The following GNL3L variants were observed in gnomAD, a reference collection of about 807,000 sequenced individuals.
The protein encoded by GNL3L is G protein nucleolar 3 like.
In GNL3L, 4 loss-of-function variants were observed where a neutral mutation model predicts 42.9. That is an observed-to-expected ratio of 0.09 (90% CI 0.05 to 0.21). GNL3L has a LOEUF of 0.21. Ranked by LOEUF, GNL3L falls within the 10% of genes least tolerant of loss-of-function variation. The probability of loss-of-function intolerance (pLI) is 1.00; values close to 1 mark genes in which losing one functional copy is unlikely to be tolerated. For missense variants in GNL3L, 412 were observed against 481.7 expected, an observed-to-expected ratio of 0.86 and a Z score of 1.36; for synonymous variants, 159 against 176.3, an observed-to-expected ratio of 0.90 and a Z score of 0.78.
intron 13 of GNL3L, 142 bp downstream of exon 13, chrX:54,552,570 T>C (rs1031044677): frequency 2.0e-6 from 1 of 510,782 alleles, no homozygotes; most frequent in Non-Finnish European, 3.2e-6. Flanking sequence ...CAGGCCTAAT[T>C]TCTTTTCTTG....
chrX:54,537,026 CTTTTTTTT>C (rs747450203), intron 2 of GNL3L, among the ~76,000 whole-genome samples: 2 of 85,899 alleles, frequency 2.3e-5, no homozygotes, highest in African/African-American at 4.5e-5. Flanking sequence ...GGTTGTTAAT[CTTTTTTTT>C]TTTTTTTTTT....
chrX:54,546,985 CTTTCTTTTTTT>C (rs939020295), intron 8 of GNL3L, among the ~76,000 whole-genome samples: 4 of 105,724 alleles, frequency 3.8e-5, no homozygotes, highest in Admixed American at 1.0e-4. Flanking sequence ...GCCGCCTTTT[CTTTCTTTTTTT>C]TTTCTTTTTT....
chrX:54,616,492 G>C (rs1344407463), intron 16 of GNL3L, among the ~76,000 whole-genome samples: 2 of 112,264 alleles, frequency 1.8e-5, no homozygotes, highest in Admixed American at 1.9e-4. Flanking sequence ...CCCATGGATA[G>C]AGACAGGAAG....
chrX:54,590,464 C>T (rs1402472601), intron 16 of GNL3L, among the ~76,000 whole-genome samples: 5 of 111,464 alleles, frequency 4.5e-5, no homozygotes, highest in South Asian at 3.7e-4. Context: ...AGTCTGTTGA[C>T]GTGGTGGGTT....
intron 13 of GNL3L, among the ~76,000 whole-genome samples, chrX:54,553,310 AG>A (rs760339452): frequency 9.8e-5 from 11 of 111,709 alleles, no homozygotes; most frequent in Non-Finnish European, 2.1e-4. Flanking sequence ...TGCCTAAGGA[AG>A]GTATCCAGTG....
intron 15 of GNL3L, 112 bp downstream of exon 15, chrX:54,558,767 C>T: frequency 2.0e-6 from 1 of 512,664 alleles, no homozygotes; most frequent in Non-Finnish European, 3.3e-6. Flanking sequence ...AGCGATTCTC[C>T]TGCCTCAGCT....
At position 54,539,115 on chromosome X, in the gene GNL3L, G is replaced by A. The variant is rs766901512; in HGVS notation, c.81+14G>A. On this transcript the variant is annotated intron_variant, in intron 3 of 15. Coordinates refer to ENST00000360845, the MANE Select transcript of GNL3L (RefSeq NM_001184819.2). ...CCCTACCCTCAGGTAAGGTATGCCT[G>A]TTGTTGAGGGTAAGGTCAAGAACAG... 4.0e-6 allele frequency: 4 copies of A among 999,583 alleles called. No individual in the cohort carries two copies. Among genetic ancestry groups the A allele is most frequent in the East Asian group, 6.1e-5 (2 of 32,685 alleles). 82.4% of individuals were successfully genotyped at this position (999,583 alleles called of 1,213,427 possible). A position where few individuals can be genotyped will look rare whatever the true frequency, so the allele number is the denominator to read the frequency against.
At chrX:54,573,158 G>A (rs1369454983) in intron 16 of GNL3L, among the ~76,000 whole-genome samples, 1 of 112,400 alleles carries the variant, frequency 8.9e-6, no homozygotes, top group African/African-American at 3.2e-5. Flanking sequence ...GCCGGGCAGA[G>A]GCTGCAATCT....
chrX:54,618,899 A>C (rs1367047671), intron 16 of GNL3L, among the ~76,000 whole-genome samples: 1 of 111,348 alleles, frequency 9.0e-6, no homozygotes, highest in Non-Finnish European at 1.9e-5. Flanking sequence ...CCTGTTTTTA[A>C]AAAAAACCCA....
intron 2 of GNL3L, among the ~76,000 whole-genome samples, chrX:54,535,422 C>T (rs1361978071): frequency 5.4e-5 from 6 of 111,610 alleles, no homozygotes. Flanking sequence ...CGGCTCTCTA[C>T]CATCTTATTT....
intron 5 of GNL3L, among the ~76,000 whole-genome samples, chrX:54,542,424 A>T (rs1312093634): frequency 9.0e-6 from 1 of 111,016 alleles, no homozygotes; most frequent in Non-Finnish European, 1.9e-5. Context: ...AAAGGACATG[A>T]ACTCATCATT....
intron 16 of GNL3L, among the ~76,000 whole-genome samples, chrX:54,596,462 A>G (rs1370656068): frequency 8.9e-6 from 1 of 111,798 alleles, no homozygotes. Flanking sequence ...ATAAAGTGAC[A>G]GAAGCACCCC....
downstream of GNL3L, among the ~76,000 whole-genome samples, chrX:54,626,513 T>C (rs768340787): frequency 8.9e-5 from 10 of 111,955 alleles, no homozygotes; most frequent in South Asian, 3.7e-3. Context: ...CTTTTTGATA[T>C]ACTGATTTTG....
chrX:54,634,342 C>T, the GNL3L span, among the ~76,000 whole-genome samples: 1 of 111,755 alleles, frequency 8.9e-6, no homozygotes, highest in African/African-American at 3.3e-5. Flanking sequence ...ACTCTTGTTA[C>T]CTGGGCTGGA....
intron 2 of GNL3L, among the ~76,000 whole-genome samples, chrX:54,537,147 T>C (rs906057684): frequency 9.2e-6 from 1 of 108,716 alleles, no homozygotes; most frequent in East Asian, 2.9e-4. Flanking sequence ...CTCAGCTTCC[T>C]GAGAGCTAGG....
intron 16 of GNL3L, among the ~76,000 whole-genome samples, chrX:54,572,521 C>T (rs1317741278): frequency 3.6e-5 from 4 of 111,439 alleles, no homozygotes; most frequent in African/African-American, 1.3e-4. Context: ...AGCTGTTGGG[C>T]ACACCTCCCA....
intron 16 of GNL3L, among the ~76,000 whole-genome samples, chrX:54,607,438 T>C (rs886247295): frequency 1.2e-4 from 13 of 107,152 alleles, no homozygotes; most frequent in African/African-American, 4.4e-4. Context: ...TTAAGTATTA[T>C]TTCTGACTAA....
chrX:54,640,615 A>G, the GNL3L span, among the ~76,000 whole-genome samples: 1 of 112,261 alleles, frequency 8.9e-6, no homozygotes, highest in Non-Finnish European at 1.9e-5. Flanking sequence ...GCAAGGAATA[A>G]TTTTGTGCTT....
At chrX:54,546,201 G>A (rs1601980631) in intron 8 of GNL3L, among the ~76,000 whole-genome samples, 1 of 112,274 alleles carries the variant, frequency 8.9e-6, no homozygotes. Context: ...ATACATAGAA[G>A]TGTATATATA....
Sources: gnomAD v4.1 joint callset for allele counts (sites outside exome capture counted in the v4.1 genomes callset) on GRCh38, gnomAD v4.1.1 for gene constraint, MANE v1.5 for transcripts, NCBI Gene and HGNC (gene_info 2026-07-23, HGNC 2026-07-21) for gene names.